SSBP3: variants seen among roughly 807,000 people sequenced by gnomAD.
SSBP3 encodes single stranded DNA binding protein 3, also known as single-stranded DNA-binding protein 3.
Under a neutral mutation model 69.6 loss-of-function variants are expected in SSBP3, and 5 were observed. The ratio of observed to expected loss-of-function variants is 0.07; its 90% CI spans 0.04 to 0.15. SSBP3 has a LOEUF of 0.15. Among genes scored for constraint, SSBP3 ranks in the 10% least tolerant of loss-of-function variants. The pLI is 1.00. For synonymous variants in SSBP3, 196 were observed against 193.4 expected (o/e 1.01, Z -0.11); for missense variants, 312 against 534.0 (o/e 0.58, Z 4.10).
intron 4 of SSBP3, among the ~76,000 whole-genome samples, chr1:54,395,245 C>A (rs143372013): frequency 6.6e-6 from 1 of 152,174 alleles, no homozygotes; most frequent in Non-Finnish European, 1.5e-5. Flanking sequence ...CTCTCAAGGC[C>A]GTCCCCATGG....
chr1:54,289,019 CCAAAA>C (rs1645546252), intron 4 of SSBP3, among the ~76,000 whole-genome samples: 2 of 40,446 alleles, frequency 4.9e-5, no homozygotes, highest in African/African-American at 1.7e-4. Flanking sequence ...GACTCTGTCT[CCAAAA>C]AAAAAAAAAA....
intron 5 of SSBP3, among the ~76,000 whole-genome samples, chr1:54,260,874 G>C (rs530723767): frequency 6.6e-6 from 1 of 152,362 alleles, no homozygotes; most frequent in East Asian, 1.9e-4. Flanking sequence ...GTCACTCAGG[G>C]AGAAAAATGA....
chr1:54,300,722 C>T (rs114822898), intron 4 of SSBP3, among the ~76,000 whole-genome samples: 332 of 152,300 alleles, frequency 2.2e-3, no homozygotes, highest in African/African-American at 7.6e-3. Context: ...AGGGCCAAGA[C>T]CATAGCTGCT....
chr1:54,363,831 A>C (rs1646987194), intron 4 of SSBP3, among the ~76,000 whole-genome samples: 1 of 152,220 alleles, frequency 6.6e-6, no homozygotes, highest in Non-Finnish European at 1.5e-5. Context: ...GGATTTACCA[A>C]ATCTTACAAC....
intron 14 of SSBP3, chr1:54,237,800 C>T (rs1644525256): frequency 4.0e-6 from 1 of 248,362 alleles, no homozygotes; most frequent in South Asian, 5.2e-5. Flanking sequence ...GCAGCAGACT[C>T]CTAGGCAAGT....
chr1:54,348,294 G>T (rs1156920059), intron 4 of SSBP3, among the ~76,000 whole-genome samples: 1 of 150,586 alleles, frequency 6.6e-6, no homozygotes, highest in Non-Finnish European at 1.5e-5. Context: ...GCAGAGAGTG[G>T]GCAGAAAGAA....
intron 4 of SSBP3, among the ~76,000 whole-genome samples, chr1:54,338,742 G>A (rs1482933488): frequency 1.3e-5 from 2 of 152,190 alleles, no homozygotes; most frequent in African/African-American, 4.8e-5. Context: ...AATAGCTCCT[G>A]TATCTCTTTG....
intron 4 of SSBP3, among the ~76,000 whole-genome samples, chr1:54,357,542 C>T (rs746809253): frequency 6.6e-6 from 1 of 152,172 alleles, no homozygotes; most frequent in Non-Finnish European, 1.5e-5. Flanking sequence ...GCCAGCCCCA[C>T]CACCTCCACC....
chr1:54,291,402 C>T (rs935685666), intron 4 of SSBP3, among the ~76,000 whole-genome samples: 2 of 152,116 alleles, frequency 1.3e-5, no homozygotes, highest in African/African-American at 2.4e-5. Flanking sequence ...AATGAACAGT[C>T]GGGAGCCCTT....
chr1:54,394,183 T>C (rs1208587655), intron 4 of SSBP3, among the ~76,000 whole-genome samples: 6 of 152,318 alleles, frequency 3.9e-5, no homozygotes, highest in South Asian at 2.1e-4. Flanking sequence ...TCCTGGACTA[T>C]TGATTAGGCT....
At chr1:54,354,991 T>C (rs932707646) in intron 4 of SSBP3, among the ~76,000 whole-genome samples, 1 of 152,240 alleles carries the variant, frequency 6.6e-6, no homozygotes, top group Admixed American at 6.5e-5. Flanking sequence ...GACTGCTTAC[T>C]GCCCTCGACA....
chr1:54,375,673 G>A (rs543872070), intron 4 of SSBP3, among the ~76,000 whole-genome samples: 4 of 152,320 alleles, frequency 2.6e-5, no homozygotes, highest in East Asian at 3.9e-4. Flanking sequence ...CTGGTGGAAA[G>A]GATGGTGAGG....
upstream of SSBP3, among the ~76,000 whole-genome samples, chr1:54,409,166 T>C (rs188481650): frequency 1.1e-4 from 16 of 152,308 alleles, no homozygotes; most frequent in Admixed American, 5.2e-4. Context: ...TCTTTGGGCC[T>C]GAAGTCTGTC....
chr1:54,327,781 T>G (rs1400671130), intron 4 of SSBP3, among the ~76,000 whole-genome samples: 1 of 152,166 alleles, frequency 6.6e-6, no homozygotes, highest in African/African-American at 2.4e-5. Context: ...GGACAACAGA[T>G]TCAACAGGAC....
intron 4 of SSBP3, among the ~76,000 whole-genome samples, chr1:54,391,668 A>C (rs936849416): frequency 1.3e-5 from 2 of 152,234 alleles, no homozygotes; most frequent in African/African-American, 4.8e-5. Context: ...AACAGAAGTG[A>C]AATGTCAGGC....
At chr1:54,304,484 C>T (rs1287765566) in intron 4 of SSBP3, among the ~76,000 whole-genome samples, 6 of 152,166 alleles carry the variant, frequency 3.9e-5, no homozygotes, top group African/African-American at 1.4e-4. Context: ...AGTGAAGGGG[C>T]TCCCCAGGGA....
In SSBP3 at chr1:54,316,907, T is replaced by C. The variant is rs139689010; in HGVS notation, c.277-35380A>G. ...TGCTTCAAAAATGGCACCTTCTTGC[T>C]GCATCCTCACACGGCATCCCTTCAG... On this transcript the variant is annotated intron_variant, in intron 4 of 17. Transcript: ENST00000610401. Among the ~76,000 whole-genome samples the C allele has an allele frequency of 2.6e-3, 398 of 152,236 alleles. 4 individuals are homozygous for C. Among genetic ancestry groups the C allele is most frequent in the African/African-American group, 9.3e-3 (385 of 41,540 alleles).
exon 18 of SSBP3, chr1:54,226,588 A>G (rs954941735): frequency 6.4e-6 from 1 of 157,222 alleles, no homozygotes; most frequent in Admixed American, 6.2e-5. Flanking sequence ...TCACACCTAG[A>G]CTAGCTTTTC....
At chr1:54,309,988 T>C (rs980530286) in intron 4 of SSBP3, among the ~76,000 whole-genome samples, 3 of 152,084 alleles carry the variant, frequency 2.0e-5, no homozygotes, top group African/African-American at 4.8e-5. Context: ...AGACACAGCA[T>C]GTAGGGAAGC....
Sources: allele counts gnomAD v4.1 joint callset (sites outside exome capture counted in the v4.1 genomes callset), GRCh38; gene constraint gnomAD v4.1.1; transcripts MANE v1.5; gene names NCBI Gene and HGNC (gene_info 2026-07-23, HGNC 2026-07-21).